The following LTBP1 variants were observed in gnomAD, a reference collection of about 807,000 sequenced individuals.
LTBP1 encodes the protein latent transforming growth factor beta binding protein 1, also known as latent-transforming growth factor beta-binding protein 1.
A neutral mutation model predicts 207.6 loss-of-function variants in LTBP1; 129 were observed. That is an observed-to-expected ratio of 0.62 (90% CI 0.54 to 0.72). The LOEUF (loss-of-function observed/expected upper bound fraction) is 0.72, where lower values mean the gene tolerates loss of function less well. Ranked by LOEUF, LTBP1 falls within the 30% of genes least tolerant of loss-of-function variation. LTBP1 has a pLI of 0.00. For synonymous variants in LTBP1, 963 were observed against 833.7 expected (o/e 1.16, Z -2.67); for missense variants, 2,281 against 2,217.2 (o/e 1.03, Z -0.58).
chr2:33,163,457 C>G (rs890553086), intron 5 of LTBP1, among the ~76,000 whole-genome samples: 1 of 152,074 alleles, frequency 6.6e-6, no homozygotes, highest in Non-Finnish European at 1.5e-5. Flanking sequence ...TTGCCATGAT[C>G]TTATGGTAGA....
intron 2 of LTBP1, among the ~76,000 whole-genome samples, chr2:33,011,051 G>A (rs1687610935): frequency 6.6e-6 from 1 of 152,060 alleles, no homozygotes; most frequent in South Asian, 2.1e-4. Flanking sequence ...TGGGTAGGAT[G>A]GTTCTAACTT....
chr2:33,012,417 C>T (rs1053167664), intron 2 of LTBP1, among the ~76,000 whole-genome samples: 8 of 152,214 alleles, frequency 5.3e-5, no homozygotes, highest in Admixed American at 1.3e-4. Context: ...GTAGTAGCTC[C>T]TCAAGGAAAC....
intron 3 of LTBP1, among the ~76,000 whole-genome samples, chr2:33,091,205 T>C (rs768057480): frequency 1.3e-5 from 2 of 152,162 alleles, no homozygotes; most frequent in Non-Finnish European, 2.9e-5. Flanking sequence ...ATGACTCTCA[T>C]TGGTGGTCGT....
chr2:33,367,878 T>A (rs556312538), intron 31 of LTBP1, among the ~76,000 whole-genome samples: 2 of 152,186 alleles, frequency 1.3e-5, no homozygotes, highest in African/African-American at 4.8e-5. Context: ...GCTAAATAAA[T>A]CATGTACATC....
intron 2 of LTBP1, among the ~76,000 whole-genome samples, chr2:33,013,409 G>T (rs527324825): frequency 1.3e-5 from 2 of 149,026 alleles, no homozygotes; most frequent in Admixed American, 6.7e-5. Context: ...TTTTGATTTT[G>T]GTCTTCCTTT....
At chr2:33,386,340 G>A (rs554966133) in intron 31 of LTBP1, among the ~76,000 whole-genome samples, 1 of 152,216 alleles carries the variant, frequency 6.6e-6, no homozygotes, top group South Asian at 2.1e-4. Flanking sequence ...ACAGCTTAGA[G>A]ACTCAAGCCC....
intron 3 of LTBP1, among the ~76,000 whole-genome samples, chr2:33,108,202 C>T (rs937211283): frequency 1.5e-4 from 23 of 151,512 alleles, no homozygotes; most frequent in Admixed American, 1.1e-3. Flanking sequence ...GGGTCCTGTC[C>T]GTGGCCTTGC....
chr2:33,383,883 A>G (rs965590304), intron 31 of LTBP1, among the ~76,000 whole-genome samples: 9 of 152,208 alleles, frequency 5.9e-5, no homozygotes, highest in African/African-American at 2.2e-4. Context: ...TGTTTCTCTT[A>G]TATTTGAAAA....
intron 2 of LTBP1, among the ~76,000 whole-genome samples, chr2:32,960,728 A>G (rs1329196510): frequency 6.6e-6 from 1 of 152,198 alleles, no homozygotes; most frequent in Non-Finnish European, 1.5e-5. Flanking sequence ...CTCTATAGGA[A>G]GTGACATGTG....
intron 3 of LTBP1, among the ~76,000 whole-genome samples, chr2:33,074,377 T>C (rs1408179882): frequency 6.6e-6 from 1 of 152,006 alleles, no homozygotes; most frequent in East Asian, 1.9e-4. Flanking sequence ...ACTGACTCAG[T>C]TACTTTCTCT....
rs557943916 is a variant in LTBP1, at chr2:33,101,846, T to C, written c.864-8736T>C. On this transcript the variant is annotated intron_variant, in intron 3 of 33. Coordinates refer to ENST00000404816, the MANE Select transcript of LTBP1 (RefSeq NM_206943.4). ...TAGTTATTAACAATATCTCTTTCAA[T>C]GGTTGCTTGTTAAATAACTTACTCA... Among the ~76,000 whole-genome samples the C allele has an allele frequency of 1.1e-3, 161 of 152,350 alleles. 1 individual carries two copies. Among genetic ancestry groups the C allele is most frequent in the African/African-American group, 3.6e-3 (151 of 41,588 alleles).
intron 10 of LTBP1, among the ~76,000 whole-genome samples, chr2:33,249,323 TCACACACACACACACACACACACACA>T (rs61249844): frequency 7.1e-6 from 1 of 141,316 alleles, no homozygotes; most frequent in Non-Finnish European, 1.5e-5. Flanking sequence ...GTCTGATTTT[TCACACACACACACACACACACACACA>T]CACACACACA....
chr2:33,287,596 C>A (rs1015975883), intron 19 of LTBP1, among the ~76,000 whole-genome samples: 4 of 152,104 alleles, frequency 2.6e-5, no homozygotes, highest in Non-Finnish European at 5.9e-5. Flanking sequence ...ATAAAATGCT[C>A]CTTTGGAAAG....
chr2:33,037,487 C>G (rs1396263455), intron 3 of LTBP1, among the ~76,000 whole-genome samples: 1 of 152,088 alleles, frequency 6.6e-6, no homozygotes, highest in Non-Finnish European at 1.5e-5. Flanking sequence ...TTTCAAATTT[C>G]CTTAGTGTAT....
rs575560401 is a variant in LTBP1, at chr2:33,184,509, T to G, written c.1202-2347T>G. On this transcript the variant is annotated intron_variant, in intron 5 of 33. Coordinates refer to ENST00000404816, the MANE Select transcript of LTBP1 (RefSeq NM_206943.4). ...TGATGTTGTCTGAATCTTGACCAGT[T>G]TCAAAAACTTATCCTAAATGATCTC... Among the ~76,000 whole-genome samples the G allele has an allele frequency of 2.6e-5, 4 of 152,306 alleles. No individual in the cohort carries two copies. In the South Asian group the frequency reaches 6.2e-4, roughly 24 times the overall value.
chr2:33,050,966 A>C (rs548352194), intron 3 of LTBP1, among the ~76,000 whole-genome samples: 1 of 151,822 alleles, frequency 6.6e-6, no homozygotes, highest in Non-Finnish European at 1.5e-5. Context: ...CTTGTGATCC[A>C]CCCACCTTGG....
chr2:33,088,922 G>A (rs558402478), intron 3 of LTBP1, among the ~76,000 whole-genome samples: 325 of 152,106 alleles, frequency 2.1e-3, no homozygotes, highest in Non-Finnish European at 3.6e-3. Context: ...TTGGGAGGCC[G>A]AGGCGGGCAG....
chr2:33,163,694 T>C (rs1169963067), intron 5 of LTBP1, among the ~76,000 whole-genome samples: 1 of 152,212 alleles, frequency 6.6e-6, no homozygotes, highest in Non-Finnish European at 1.5e-5. Flanking sequence ...TATTCATACA[T>C]TTGTATAAAT....
At chr2:33,205,177 A>C (rs1016814185) in intron 7 of LTBP1, among the ~76,000 whole-genome samples, 4 of 151,968 alleles carry the variant, frequency 2.6e-5, no homozygotes, top group African/African-American at 9.7e-5. Context: ...GACTTAGAAG[A>C]CTCGTCTTTA....
Sources: gnomAD v4.1 joint callset for allele counts (sites outside exome capture counted in the v4.1 genomes callset) on GRCh38, gnomAD v4.1.1 for gene constraint, MANE v1.5 for transcripts, NCBI Gene and HGNC (gene_info 2026-07-23, HGNC 2026-07-21) for gene names.